Variants in SLCO1B3 observed in about 807,000 individuals in gnomAD.
The protein encoded by SLCO1B3 is solute carrier organic anion transporter family member 1B3.
A neutral mutation model predicts 71.8 loss-of-function variants in SLCO1B3; 72 were observed. The observed-to-expected ratio is 1.00, with a 90% CI of 0.83 to 1.22. The LOEUF (loss-of-function observed/expected upper bound fraction) is 1.22. Among genes scored for constraint, SLCO1B3 ranks in the 50% most tolerant of loss-of-function variants. The pLI is 0.00. For missense variants in SLCO1B3, 911 were observed against 819.7 expected, an observed-to-expected ratio of 1.11 and a Z score of -1.36; for synonymous variants, 298 against 278.4, an observed-to-expected ratio of 1.07 and a Z score of -0.70.
At chr12:20,853,988 T>C (rs1290944246) in intron 3 of SLCO1B3, among the ~76,000 whole-genome samples, 1 of 151,450 alleles carries the variant, frequency 6.6e-6, no homozygotes, top group Non-Finnish European at 1.5e-5. Flanking sequence ...AAGAAAGAAT[T>C]TTTTAATTTC....
chr12:20,846,882 A>G (rs947668248), intron 3 of SLCO1B3, among the ~76,000 whole-genome samples: 2 of 152,098 alleles, frequency 1.3e-5, no homozygotes, highest in African/African-American at 2.4e-5. Flanking sequence ...CTGCAGGTAG[A>G]TAGAGACTTT....
chr12:20,862,500 A>T lies in SLCO1B3; in HGVS notation c.570A>T (p.Pro190=). The T allele has an allele frequency of 1.9e-6, 3 of 1,611,884 alleles. No homozygotes were observed. The highest frequency in any genetic ancestry group is 1.7e-6 in the Non-Finnish European group (2 of 1,178,274). Residue 190 remains proline, a synonymous_variant, in exon 7 of 16, where the codon CCA becomes CCT. Transcript: ENST00000381545. ...GCATAGGGGAAACCCCCATAGTACCATTGGGGATTTCATACATTGATGATT... is the reference window on the plus strand; with the variant it reads ...GCATAGGGGAAACCCCCATAGTACCTTTGGGGATTTCATACATTGATGATT... ...LRGIGETPIV[P]LGISYIDDFA... is the part of the protein sequence containing the mutation.
intron 13 of SLCO1B3, among the ~76,000 whole-genome samples, chr12:20,890,076 C>A (rs113913784): frequency 1.1e-3 from 170 of 152,100 alleles, no homozygotes; most frequent in African/African-American, 3.9e-3. Flanking sequence ...TGCCACCACA[C>A]CCAGCTAATT....
Position 20,903,073 on chromosome 12 carries a change from C to CAA in SLCO1B3, c.1865+1620_1865+1621dup, listed in dbSNP as rs55777703. Among the ~76,000 whole-genome samples, 1,157 of 128,524 alleles carry CAA rather than the reference C, an allele frequency of 9.0e-3. 47 individuals are homozygous for CAA. The highest frequency in any genetic ancestry group is 0.021 in the East Asian group (96 of 4,510). The allele number at this position is 128,524 out of a possible 152,430, so 84.3% of individuals were successfully genotyped here. On this transcript the variant is annotated intron_variant, in intron 15 of 15. Transcript: ENST00000381545. ...TGGGCGACAGAGCAGGATTCCATCT[C>CAA]AAAAAAAAAAAAAAATCAATGCAAA...
chr12:20,822,160 C>G (rs1209744510), intron 3 of SLCO1B3, among the ~76,000 whole-genome samples: 1 of 152,124 alleles, frequency 6.6e-6, no homozygotes, highest in Non-Finnish European at 1.5e-5. Flanking sequence ...AAGGGAGGTC[C>G]CCCGATCCAA....
At chr12:20,854,750 C>T (rs1865098049) in intron 3 of SLCO1B3, among the ~76,000 whole-genome samples, 1 of 152,136 alleles carries the variant, frequency 6.6e-6, no homozygotes, top group South Asian at 2.1e-4. Flanking sequence ...GTCTAGCTTC[C>T]TATAAATCAG....
intron 12 of SLCO1B3, among the ~76,000 whole-genome samples, chr12:20,882,526 C>T (rs1337364625): frequency 1.3e-5 from 2 of 152,080 alleles, no homozygotes; most frequent in Non-Finnish European, 1.5e-5. Flanking sequence ...GCCTCAGCCT[C>T]TCAAGTAGCT....
At position 20,843,138 on chromosome 12, in the gene SLCO1B3, C is replaced by T. The variant is rs554123978; in HGVS notation, c.85-11890C>T. Among the ~76,000 whole-genome samples, 177 of 152,236 alleles carry T rather than the reference C, an allele frequency of 1.2e-3. No homozygotes were observed. The Middle Eastern group carries it at 0.014, about 12-fold the overall frequency. On this transcript the variant is annotated intron_variant, in intron 3 of 15. Coordinates refer to ENST00000381545, the MANE Select transcript of SLCO1B3 (RefSeq NM_019844.4). Reference sequence around the variant, plus strand: ...ATACATGTTCTCATGTTCTTTGATACGCCTCTTTAACCTTTATACTCTCTG... The same window carrying T: ...ATACATGTTCTCATGTTCTTTGATATGCCTCTTTAACCTTTATACTCTCTG...
At chr12:20,877,386 A>C (rs1341331183) in intron 9 of SLCO1B3, among the ~76,000 whole-genome samples, 2 of 152,204 alleles carry the variant, frequency 1.3e-5, no homozygotes, top group African/African-American at 4.8e-5. Context: ...AACTAAGACT[A>C]ATTGATTAGA....
chr12:20,850,668 C>G (rs529997234), intron 3 of SLCO1B3, among the ~76,000 whole-genome samples: 26 of 152,266 alleles, frequency 1.7e-4, no homozygotes, highest in Non-Finnish European at 3.5e-4. Flanking sequence ...TAACTTCCAC[C>G]CTCAGGTAGC....
chr12:20,836,003 G>T (rs949337636), intron 3 of SLCO1B3, among the ~76,000 whole-genome samples: 1 of 152,210 alleles, frequency 6.6e-6, no homozygotes, highest in South Asian at 2.1e-4. Flanking sequence ...CACAATCATG[G>T]TGAAACGCAG....
intron 3 of SLCO1B3, among the ~76,000 whole-genome samples, chr12:20,847,363 A>G (rs1196290681): frequency 1.7e-4 from 26 of 152,146 alleles, no homozygotes; most frequent in Non-Finnish European, 2.9e-5. Context: ...ATCATGAGAG[A>G]GGAACCCTTC....
intron 3 of SLCO1B3, among the ~76,000 whole-genome samples, chr12:20,836,181 A>T (rs1478435073): frequency 6.6e-6 from 1 of 152,218 alleles, no homozygotes; most frequent in East Asian, 1.9e-4. Context: ...CTTCCATGAC[A>T]CATGGGGATT....
intron 3 of SLCO1B3, among the ~76,000 whole-genome samples, chr12:20,844,704 C>T (rs1864874234): frequency 6.6e-6 from 1 of 151,658 alleles, no homozygotes; most frequent in African/African-American, 2.4e-5. Flanking sequence ...CCACTGTGGT[C>T]TGAAAAAAAT....
chr12:20,871,228 T>C (rs745323322), intron 8 of SLCO1B3, among the ~76,000 whole-genome samples: 2 of 152,168 alleles, frequency 1.3e-5, no homozygotes, highest in African/African-American at 2.4e-5. Context: ...TGCTCCTCCA[T>C]TTTTTGGAAT....
Position 20,879,435 on chromosome 12 carries a change from G to A in SLCO1B3, c.1136-1G>A, listed in dbSNP as rs773400457. 7.0e-6 allele frequency: 11 copies of A among 1,566,848 alleles called. No homozygotes were observed. Among genetic ancestry groups the A allele is most frequent in the South Asian group, 1.2e-5 (1 of 86,006 alleles). On this transcript the variant is annotated splice_acceptor_variant, in intron 10 of 15. Coordinates refer to ENST00000381545, the MANE Select transcript of SLCO1B3 (RefSeq NM_019844.4). LOFTEE classifies it high-confidence loss of function. The stretch of plus-strand genomic sequence containing the variant: ...GCTTTTTTCTCTTCTTTTATTTCTA[G>A]GAATCATAACCATTCCTACGGTTGC...
At chr12:20,845,601 C>T (rs966306439) in intron 3 of SLCO1B3, among the ~76,000 whole-genome samples, 1 of 142,448 alleles carries the variant, frequency 7.0e-6, no homozygotes, top group African/African-American at 2.5e-5. Context: ...TTTGGAGGTG[C>T]CTGAATATGA....
At chr12:20,823,107 A>G (rs1169863648) in intron 3 of SLCO1B3, among the ~76,000 whole-genome samples, 1 of 152,180 alleles carries the variant, frequency 6.6e-6, no homozygotes, top group Non-Finnish European at 1.5e-5. Context: ...ACAAACACAC[A>G]GTAGAAGGAA....
chr12:20,908,056 A>C (rs1866290995), intron 15 of SLCO1B3, among the ~76,000 whole-genome samples: 1 of 152,202 alleles, frequency 6.6e-6, no homozygotes, highest in Admixed American at 6.5e-5. Context: ...CATTGTTTTA[A>C]AAACTGTACT....
Sources: gnomAD v4.1 joint callset for allele counts (sites outside exome capture counted in the v4.1 genomes callset) on GRCh38, gnomAD v4.1.1 for gene constraint, MANE v1.5 for transcripts, NCBI Gene and HGNC (gene_info 2026-07-23, HGNC 2026-07-21) for gene names.